Variants in NTM observed in about 807,000 individuals in gnomAD.
NTM encodes neurotrimin, also known as IgLON family member 2.
A neutral mutation model predicts 42.1 loss-of-function variants in NTM; 13 were observed. The ratio of observed to expected loss-of-function variants is 0.31; its 90% CI spans 0.20 to 0.49. The LOEUF is 0.49. Ranked by LOEUF, NTM falls within the 20% of genes least tolerant of loss-of-function variation. The pLI is 0.99. For synonymous variants in NTM, 187 were observed against 179.2 expected, an observed-to-expected ratio of 1.04 and a Z score of -0.35; for missense variants, 373 against 452.8, an observed-to-expected ratio of 0.82 and a Z score of 1.60.
intron 1 of NTM, among the ~76,000 whole-genome samples, chr11:131,466,812 A>C (rs1342977307): frequency 6.6e-6 from 1 of 152,230 alleles, no homozygotes; most frequent in East Asian, 1.9e-4. Flanking sequence ...AATCAAAATC[A>C]CAATTTTTTT....
At chr11:131,458,329 T>A (rs983015973) in intron 1 of NTM, among the ~76,000 whole-genome samples, 1 of 152,142 alleles carries the variant, frequency 6.6e-6, no homozygotes, top group Non-Finnish European at 1.5e-5. Flanking sequence ...ACAAAAGCCT[T>A]CCTGATGCAG....
At chr11:131,561,021 C>G (rs1463977729) in intron 1 of NTM, among the ~76,000 whole-genome samples, 1 of 152,210 alleles carries the variant, frequency 6.6e-6, no homozygotes, top group Non-Finnish European at 1.5e-5. Context: ...ACCTTCGTCT[C>G]TCAGAAAAGC....
chr11:131,657,314 G>A (rs1034737533), intron 1 of NTM, among the ~76,000 whole-genome samples: 11 of 152,110 alleles, frequency 7.2e-5, no homozygotes, highest in Admixed American at 1.3e-4. Flanking sequence ...AGGTCAGTGG[G>A]GAATTCCATG....
At chr11:131,427,547 C>T (rs933252048) in intron 1 of NTM, among the ~76,000 whole-genome samples, 18 of 152,280 alleles carry the variant, frequency 1.2e-4, no homozygotes, top group African/African-American at 3.6e-4. Context: ...GTTTGAAATT[C>T]CCATTTTGCA....
At chr11:132,018,122 T>C (rs1280789104) in intron 2 of NTM, among the ~76,000 whole-genome samples, 1 of 151,802 alleles carries the variant, frequency 6.6e-6, no homozygotes, top group African/African-American at 2.4e-5. Flanking sequence ...TCTCCCTCTG[T>C]CTCTCTGTCT....
At chr11:131,510,191 G>A (rs1185990047) in intron 1 of NTM, among the ~76,000 whole-genome samples, 4 of 152,128 alleles carry the variant, frequency 2.6e-5, no homozygotes, top group Admixed American at 1.3e-4. Flanking sequence ...GCTCCATTTC[G>A]GAGAATGAGC....
intron 2 of NTM, among the ~76,000 whole-genome samples, chr11:132,015,626 T>A (rs1303890580): frequency 2.1e-5 from 3 of 142,802 alleles, no homozygotes; most frequent in African/African-American, 7.6e-5. Flanking sequence ...GTAAAATTTA[T>A]TCTTAGATAT....
chr11:131,946,229 C>T (rs983631656), intron 2 of NTM, among the ~76,000 whole-genome samples: 1 of 152,134 alleles, frequency 6.6e-6, no homozygotes, highest in Non-Finnish European at 1.5e-5. Context: ...GAATGGACTG[C>T]TGATGACTGC....
chr11:132,296,995 T>C (rs1331073897), intron 4 of NTM, among the ~76,000 whole-genome samples: 1 of 152,162 alleles, frequency 6.6e-6, no homozygotes, highest in African/African-American at 2.4e-5. Flanking sequence ...ATGTTACAAA[T>C]ACAAGGGCTT....
chr11:132,151,751 G>A (rs2071953755), intron 3 of NTM, among the ~76,000 whole-genome samples: 5 of 152,138 alleles, frequency 3.3e-5, no homozygotes, highest in Admixed American at 3.3e-4. Flanking sequence ...AGGTAAAGAA[G>A]GGAAACACAA....
intron 1 of NTM, among the ~76,000 whole-genome samples, chr11:131,625,846 G>A (rs2063051163): frequency 1.3e-5 from 2 of 152,130 alleles, no homozygotes; most frequent in South Asian, 4.1e-4. Flanking sequence ...GGCTTCCTCT[G>A]TTCCACATGT....
intron 1 of NTM, among the ~76,000 whole-genome samples, chr11:131,852,642 A>G (rs1304055521): frequency 6.6e-6 from 1 of 152,032 alleles, no homozygotes. Flanking sequence ...TCTGCCTCTT[A>G]CCTTTTGATT....
chr11:131,843,738 A>G (rs1010661755), intron 1 of NTM, among the ~76,000 whole-genome samples: 1 of 151,322 alleles, frequency 6.6e-6, no homozygotes. Context: ...ATGATATCTT[A>G]TTGTTGTTTT....
At chr11:131,475,726 G>A (rs958766227) in intron 1 of NTM, among the ~76,000 whole-genome samples, 1 of 152,172 alleles carries the variant, frequency 6.6e-6, no homozygotes. Context: ...GCCAAAGATA[G>A]ATTGTTTGTT....
rs149823887 is a variant in NTM at position 131,778,765 on chromosome 11, C to T, written c.83-132799C>T. ...ATGACTAGCTCAATTTTCCGGTTAACTATTGTAGTAGGGAGAACTCTAAGA... is the reference window on the plus strand; with the variant it reads ...ATGACTAGCTCAATTTTCCGGTTAATTATTGTAGTAGGGAGAACTCTAAGA... On this transcript the variant is annotated intron_variant, in intron 1 of 8. Coordinates refer to ENST00000683400, the MANE Select transcript of NTM (RefSeq NM_001352005.2). Among the ~76,000 whole-genome samples, 10 of 152,190 alleles carry T rather than the reference C, an allele frequency of 6.6e-5. No individual in the cohort carries two copies. The East Asian group carries it at 1.9e-3, about 29-fold the overall frequency.
intron 4 of NTM, among the ~76,000 whole-genome samples, chr11:132,250,583 T>C (rs1809064): frequency 0.47 from 70,402 of 151,256 alleles, 16,699 homozygotes; most frequent in Middle Eastern, 0.54. Context: ...TCTTTGTCTC[T>C]TCACACTATT....
intron 2 of NTM, among the ~76,000 whole-genome samples, chr11:131,944,873 G>A (rs1438524727): frequency 6.6e-6 from 1 of 152,190 alleles, no homozygotes; most frequent in African/African-American, 2.4e-5. Context: ...TCCTGGGATA[G>A]AACAGGATTA....
At chr11:131,495,326 A>G (rs888926438) in intron 1 of NTM, among the ~76,000 whole-genome samples, 4 of 152,034 alleles carry the variant, frequency 2.6e-5, no homozygotes, top group African/African-American at 9.6e-5. Flanking sequence ...CTTGTTTGTG[A>G]TTTTTGACAT....
intron 1 of NTM, among the ~76,000 whole-genome samples, chr11:131,395,272 T>A (rs75832553): frequency 6.6e-6 from 1 of 152,224 alleles, no homozygotes; most frequent in Non-Finnish European, 1.5e-5. Context: ...GAAACTGATA[T>A]GATTGCTGAA....
Sources: gnomAD v4.1 joint callset for allele counts (sites outside exome capture counted in the v4.1 genomes callset) on GRCh38, gnomAD v4.1.1 for gene constraint, MANE v1.5 for transcripts, NCBI Gene and HGNC (gene_info 2026-07-23, HGNC 2026-07-21) for gene names.